CAMK1D: variants seen among roughly 807,000 people sequenced by gnomAD.
CAMK1D encodes calcium/calmodulin dependent protein kinase ID.
Under a neutral mutation model 47.7 loss-of-function variants are expected in CAMK1D, and 9 were observed. The observed-to-expected ratio is 0.19, with a 90% CI of 0.11 to 0.33. CAMK1D has a LOEUF of 0.33. Ranked by LOEUF, CAMK1D falls within the 10% of genes least tolerant of loss-of-function variation. The pLI is 1.00. For synonymous variants in CAMK1D, 184 were observed against 184.9 expected, an observed-to-expected ratio of 0.99 and a Z score of 0.04; for missense variants, 291 against 488.7, an observed-to-expected ratio of 0.60 and a Z score of 3.81.
chr10:12,412,623 C>CA (rs1193655289), intron 1 of CAMK1D, among the ~76,000 whole-genome samples: 45 of 25,596 alleles, frequency 1.8e-3, no homozygotes, highest in East Asian at 4.8e-3. Flanking sequence ...GACGCCATCT[C>CA]AAAAAAAAAA....
chr10:12,632,443 G>A (rs1254990616), intron 2 of CAMK1D, among the ~76,000 whole-genome samples: 1 of 152,202 alleles, frequency 6.6e-6, no homozygotes, highest in Non-Finnish European at 1.5e-5. Context: ...TGATAGGGTC[G>A]GATCAGGGTG....
chr10:12,614,652 A>C (rs1405849474), intron 2 of CAMK1D, among the ~76,000 whole-genome samples: 1 of 152,004 alleles, frequency 6.6e-6, no homozygotes, highest in Non-Finnish European at 1.5e-5. Context: ...CTTCTTTTTA[A>C]ATTTTGACTA....
At chr10:12,465,623 G>A (rs1833568300) in intron 1 of CAMK1D, among the ~76,000 whole-genome samples, 1 of 152,150 alleles carries the variant, frequency 6.6e-6, no homozygotes, top group Admixed American at 6.5e-5. Flanking sequence ...CCACAGTGCT[G>A]GGATTACAGG....
chr10:12,697,774 G>T (rs1833355981), intron 3 of CAMK1D, among the ~76,000 whole-genome samples: 1 of 152,152 alleles, frequency 6.6e-6, no homozygotes, highest in African/African-American at 2.4e-5. Flanking sequence ...GCATTTCACC[G>T]AAGTTCCCGA....
chr10:12,755,226 G>A (rs530295544), intron 3 of CAMK1D, among the ~76,000 whole-genome samples: 1 of 152,304 alleles, frequency 6.6e-6, no homozygotes, highest in Non-Finnish European at 1.5e-5. Context: ...AGTGGGTGAG[G>A]GAGTCCCTCC....
intron 1 of CAMK1D, among the ~76,000 whole-genome samples, chr10:12,492,942 G>A (rs1834430053): frequency 6.6e-6 from 1 of 152,212 alleles, no homozygotes; most frequent in African/African-American, 2.4e-5. Context: ...CTCTGTCTCT[G>A]GCTGATGGTG....
intron 2 of CAMK1D, among the ~76,000 whole-genome samples, chr10:12,600,818 T>C (rs1394455962): frequency 6.6e-6 from 1 of 152,220 alleles, no homozygotes; most frequent in African/African-American, 2.4e-5. Context: ...TGTTACTCCA[T>C]TCTGTATGTT....
At chr10:12,656,311 T>A (rs1373995637) in intron 2 of CAMK1D, among the ~76,000 whole-genome samples, 6 of 152,088 alleles carry the variant, frequency 3.9e-5, no homozygotes, top group Non-Finnish European at 1.5e-5. Context: ...GGTAACATGG[T>A]GAAATCCCAT....
At chr10:12,637,468 C>T (rs1277367771) in intron 2 of CAMK1D, among the ~76,000 whole-genome samples, 3 of 152,100 alleles carry the variant, frequency 2.0e-5, no homozygotes, top group Admixed American at 6.5e-5. Context: ...TTAATGCAAA[C>T]GCATGGACGT....
chr10:12,411,331 C>G (rs573191315), intron 1 of CAMK1D, among the ~76,000 whole-genome samples: 2 of 152,318 alleles, frequency 1.3e-5, no homozygotes, highest in East Asian at 1.9e-4. Flanking sequence ...TTCCACCATG[C>G]GGATCCACAT....
At chr10:12,497,592 T>C (rs1013325786) in intron 1 of CAMK1D, among the ~76,000 whole-genome samples, 1 of 152,208 alleles carries the variant, frequency 6.6e-6, no homozygotes, top group African/African-American at 2.4e-5. Context: ...CATAAACTTG[T>C]TTAAAATTAT....
chr10:12,732,111 C>T (rs1242858236), intron 3 of CAMK1D, among the ~76,000 whole-genome samples: 2 of 152,052 alleles, frequency 1.3e-5, no homozygotes, highest in Non-Finnish European at 2.9e-5. Context: ...TGTGGTGGCG[C>T]GTGCCTGTAA....
chr10:12,536,599 C>T (rs1400088207), intron 1 of CAMK1D, among the ~76,000 whole-genome samples: 2 of 152,160 alleles, frequency 1.3e-5, no homozygotes, highest in African/African-American at 4.8e-5. Flanking sequence ...GCCATTGCAC[C>T]TCCTCTTTCC....
At chr10:12,585,886 C>G (rs1478726360) in intron 2 of CAMK1D, among the ~76,000 whole-genome samples, 1 of 152,242 alleles carries the variant, frequency 6.6e-6, no homozygotes, top group Non-Finnish European at 1.5e-5. Context: ...GACGCAGCAT[C>G]TGTGCTGCTC....
intron 3 of CAMK1D, among the ~76,000 whole-genome samples, chr10:12,707,982 A>G (rs1211004819): frequency 6.6e-6 from 1 of 152,168 alleles, no homozygotes; most frequent in Non-Finnish European, 1.5e-5. Flanking sequence ...CTGTAACCCT[A>G]CGTGGAATCC....
chr10:12,578,676 A>G (rs1215870222), intron 2 of CAMK1D: 1 of 152,442 alleles, frequency 6.6e-6, no homozygotes, highest in African/African-American at 2.4e-5. Context: ...CAGTTTCCCA[A>G]AGTGCTGGGA....
intron 1 of CAMK1D, 111 bp downstream of exon 1, chr10:12,350,021 C>G: frequency 2.2e-6 from 1 of 447,804 alleles, no homozygotes; most frequent in South Asian, 2.7e-5. Context: ...CCTGTCACCG[C>G]GTCCTCATTG....
chr10:12,524,126 T>G (rs1324834367), intron 1 of CAMK1D, among the ~76,000 whole-genome samples: 1 of 151,490 alleles, frequency 6.6e-6, no homozygotes, highest in African/African-American at 2.4e-5. Flanking sequence ...TCTCCTGACA[T>G]CGTAATTTTT....
At chr10:12,718,120 G>A (rs1834228332) in intron 3 of CAMK1D, among the ~76,000 whole-genome samples, 1 of 151,952 alleles carries the variant, frequency 6.6e-6, no homozygotes, top group South Asian at 2.1e-4. Flanking sequence ...ACAAAGTAAG[G>A]GCAGGATCCA....
Sources: allele counts gnomAD v4.1 joint callset (sites outside exome capture counted in the v4.1 genomes callset), GRCh38; gene constraint gnomAD v4.1.1; transcripts MANE v1.5; gene names NCBI Gene and HGNC (gene_info 2026-07-23, HGNC 2026-07-21).